C1orf87: variants seen among roughly 807,000 people sequenced by gnomAD.
C1orf87 encodes the protein chromosome 1 open reading frame 87, also known as uncharacterized protein C1orf87.
C1orf87 carries 58 observed loss-of-function variants against 60.5 expected under a neutral mutation model. The ratio of observed to expected loss-of-function variants is 0.96; its 90% CI spans 0.78 to 1.19. The LOEUF (loss-of-function observed/expected upper bound fraction) is 1.19. C1orf87 is among the 50% of genes most tolerant of loss of function. The pLI is 0.00. For synonymous variants in C1orf87, 236 were observed against 227.4 expected (o/e 1.04, Z -0.34); for missense variants, 673 against 638.6 (o/e 1.05, Z -0.58).
intron 2 of C1orf87, among the ~76,000 whole-genome samples, chr1:60,068,542 A>G (rs192375867): frequency 1.4e-4 from 21 of 152,282 alleles, no homozygotes; most frequent in African/African-American, 2.4e-4. Context: ...TCTCAACACC[A>G]TCCAGTCTAG....
At chr1:59,999,296 A>G (rs1433924387) in intron 10 of C1orf87, among the ~76,000 whole-genome samples, 1 of 152,192 alleles carries the variant, frequency 6.6e-6, no homozygotes, top group Non-Finnish European at 1.5e-5. Flanking sequence ...TCCTATAAAA[A>G]GAATTCTACT....
chr1:60,018,437 A>G (rs983772228), intron 8 of C1orf87, among the ~76,000 whole-genome samples: 1 of 152,170 alleles, frequency 6.6e-6, no homozygotes, highest in African/African-American at 2.4e-5. Flanking sequence ...TTGATAGGAT[A>G]GTAAGTAGCC....
chr1:60,046,967 T>G (rs537740813), intron 3 of C1orf87, among the ~76,000 whole-genome samples: 18 of 152,364 alleles, frequency 1.2e-4, no homozygotes, highest in Non-Finnish European at 2.2e-4. Context: ...AAGACACTTT[T>G]GTAGGTGGTA....
chr1:60,067,697 C>T (rs763528646), intron 2 of C1orf87, among the ~76,000 whole-genome samples: 6 of 149,940 alleles, frequency 4.0e-5, no homozygotes, highest in African/African-American at 7.3e-5. Flanking sequence ...ATGATAGTTT[C>T]GTTTGCTGTG....
chr1:60,032,042 T>G (rs1295237837), intron 7 of C1orf87, among the ~76,000 whole-genome samples: 1 of 151,996 alleles, frequency 6.6e-6, no homozygotes, highest in African/African-American at 2.4e-5. Flanking sequence ...CTTTGCACAG[T>G]TGATTTTAAA....
At chr1:60,030,432 C>T (rs183132830) in intron 7 of C1orf87, among the ~76,000 whole-genome samples, 164 of 152,244 alleles carry the variant, frequency 1.1e-3, no homozygotes, top group Admixed American at 5.8e-3. Flanking sequence ...TAGAGTCTTG[C>T]CACAAGAATG....
chr1:60,021,041 C>T (rs1645159686), intron 8 of C1orf87, among the ~76,000 whole-genome samples: 2 of 152,150 alleles, frequency 1.3e-5, no homozygotes, highest in Non-Finnish European at 2.9e-5. Context: ...CACTTCCCCC[C>T]TCACTGTCTC....
intron 8 of C1orf87, among the ~76,000 whole-genome samples, chr1:60,017,923 C>T (rs1416477150): frequency 6.6e-6 from 1 of 152,190 alleles, no homozygotes; most frequent in Non-Finnish European, 1.5e-5. Flanking sequence ...CTCATCAACT[C>T]TCACAACATG....
At chr1:60,053,268 TAC>T (rs1645427480) in intron 3 of C1orf87, among the ~76,000 whole-genome samples, 1 of 152,216 alleles carries the variant, frequency 6.6e-6, no homozygotes, top group African/African-American at 2.4e-5. Flanking sequence ...AAGGAATGTA[TAC>T]AGTTTGGTGA....
intron 2 of C1orf87, among the ~76,000 whole-genome samples, chr1:60,062,507 C>A (rs184382765): frequency 2.4e-4 from 37 of 152,234 alleles, no homozygotes; most frequent in African/African-American, 8.9e-4. Context: ...CTGGGTATCT[C>A]CATTATAAAA....
At chr1:60,009,426 C>A (rs1645067326) in intron 9 of C1orf87, among the ~76,000 whole-genome samples, 2 of 152,000 alleles carry the variant, frequency 1.3e-5, no homozygotes, top group Non-Finnish European at 2.9e-5. Flanking sequence ...GAATAAACTT[C>A]TATTGTTTTA....
rs759296765 is a variant in C1orf87, at chr1:60,041,003, A to G, written c.471T>C (p.Ser157=). The change falls in exon 4 of 12, where the codon TCT becomes TCC. Residue 157 remains serine, a synonymous_variant. Coordinates refer to ENST00000371201, the MANE Select transcript of C1orf87 (RefSeq NM_152377.3). ...TTAGTATACACACCTCAGGTTGGTCAGAGCTGCCTCTCACCATCTGTTCCA... is the reference window on the plus strand; with the variant it reads ...TTAGTATACACACCTCAGGTTGGTCGGAGCTGCCTCTCACCATCTGTTCCA... The part of the protein sequence containing the change: ...WSLEQMVRGS[S]DQPEDIGQSP... 1.2e-6 allele frequency: 2 copies of G among 1,610,886 alleles called. No homozygotes were observed. Among genetic ancestry groups the G allele is most frequent in the African/African-American group, 2.7e-5 (2 of 74,810 alleles).
intron 3 of C1orf87, among the ~76,000 whole-genome samples, chr1:60,054,896 G>C (rs1028984036): frequency 6.6e-6 from 1 of 152,070 alleles, no homozygotes; most frequent in Non-Finnish European, 1.5e-5. Flanking sequence ...CCCCAACTTT[G>C]CATGTATAGT....
chr1:60,069,400 A>G (rs1431155934), intron 2 of C1orf87, among the ~76,000 whole-genome samples: 2 of 152,114 alleles, frequency 1.3e-5, no homozygotes, highest in Non-Finnish European at 2.9e-5. Flanking sequence ...TCAGGAGCAA[A>G]ACTGCAGAGA....
intron 2 of C1orf87, among the ~76,000 whole-genome samples, chr1:60,056,429 A>G (rs891018621): frequency 3.9e-5 from 6 of 152,184 alleles, no homozygotes; most frequent in African/African-American, 1.2e-4. Context: ...TGCAAAAAAA[A>G]AGAAAACTCT....
intron 8 of C1orf87, among the ~76,000 whole-genome samples, chr1:60,021,185 T>C (rs1645161222): frequency 1.3e-5 from 2 of 152,208 alleles, no homozygotes; most frequent in Admixed American, 6.5e-5. Context: ...TTAAACTTCT[T>C]TTCTTTGGAA....
chr1:60,049,764 C>A (rs1221922183), intron 3 of C1orf87, among the ~76,000 whole-genome samples: 1 of 151,988 alleles, frequency 6.6e-6, no homozygotes, highest in Admixed American at 6.6e-5. Flanking sequence ...TGGAATATAT[C>A]CTAATGTACA....
At chr1:60,024,393 T>A (rs569383395) in intron 8 of C1orf87, among the ~76,000 whole-genome samples, 1 of 152,322 alleles carries the variant, frequency 6.6e-6, no homozygotes, top group Non-Finnish European at 1.5e-5. Context: ...CAATGCCGTA[T>A]GTGTTACGAG....
intron 11 of C1orf87, among the ~76,000 whole-genome samples, 172 bp downstream of exon 11, chr1:59,997,437 G>C (rs993887414): frequency 1.3e-5 from 2 of 152,146 alleles, no homozygotes; most frequent in African/African-American, 4.8e-5. Flanking sequence ...TCTGGTATGG[G>C]ATTCCTGTCT....
Sources: allele counts gnomAD v4.1 joint callset (sites outside exome capture counted in the v4.1 genomes callset), GRCh38; gene constraint gnomAD v4.1.1; transcripts MANE v1.5; gene names NCBI Gene and HGNC (gene_info 2026-07-23, HGNC 2026-07-21).